Variants in KCNMB3 observed in about 807,000 individuals in gnomAD.
The protein encoded by KCNMB3 is calcium-activated potassium channel subunit beta-3.
In KCNMB3, 18 loss-of-function variants were observed where a neutral mutation model predicts 11.9. That is an observed-to-expected ratio of 1.51 (90% CI 1.04 to 2.23). The LOEUF (loss-of-function observed/expected upper bound fraction) is 2.23, where lower values mean the gene tolerates loss of function less well. Among genes scored for constraint, KCNMB3 ranks in the 30% most tolerant of loss-of-function variants. The pLI, the probability that KCNMB3 is intolerant of heterozygous loss-of-function variation, is 0.00. For missense variants in KCNMB3, 247 were observed against 329.4 expected, an observed-to-expected ratio of 0.75 and a Z score of 1.94; for synonymous variants, 78 against 119.2, an observed-to-expected ratio of 0.65 and a Z score of 2.25.
chr3:179,255,292 T>G (rs1377066888), upstream of KCNMB3, among the ~76,000 whole-genome samples: 1 of 150,782 alleles, frequency 6.6e-6, no homozygotes. Context: ...ATTTCAGATA[T>G]TTGCATAGAA....
intron 1 of KCNMB3, among the ~76,000 whole-genome samples, chr3:179,264,971 G>A (rs888788280): frequency 1.3e-5 from 2 of 152,154 alleles, no homozygotes; most frequent in African/African-American, 4.8e-5. Flanking sequence ...ATCAAGTTCA[G>A]CAAGAGGAAA....
At chr3:179,262,011 A>C (rs1017081997) in intron 1 of KCNMB3, among the ~76,000 whole-genome samples, 2 of 152,248 alleles carry the variant, frequency 1.3e-5, no homozygotes, top group Non-Finnish European at 2.9e-5. Flanking sequence ...TTAAAGGCTC[A>C]ATTCACACGG....
exon 1 of KCNMB3, chr3:179,266,969 TGC>T: frequency 7.9e-7 from 1 of 1,265,570 alleles, no homozygotes; most frequent in East Asian, 3.0e-5. Flanking sequence ...CGTGGTTTGC[TGC>T]AGCCGAAGCT....
chr3:179,262,174 G>C (rs1054611137), intron 1 of KCNMB3, among the ~76,000 whole-genome samples: 2 of 152,036 alleles, frequency 1.3e-5, no homozygotes, highest in East Asian at 1.9e-4. Flanking sequence ...AAACCAGTAG[G>C]GTAATAGATT....
intron 1 of KCNMB3, chr3:179,261,205 C>G (rs942198811): frequency 9.6e-6 from 13 of 1,356,878 alleles, no homozygotes; most frequent in African/African-American, 1.5e-5. Flanking sequence ...GCCGGGCCTC[C>G]GCCAGCCTCT....
intron 1 of KCNMB3, among the ~76,000 whole-genome samples, chr3:179,263,795 CTTTT>C (rs1560162610): frequency 2.7e-5 from 3 of 110,100 alleles, no homozygotes; most frequent in Non-Finnish European, 5.5e-5. Flanking sequence ...TTTTCTTTTT[CTTTT>C]CTTTTTTTTT....
chr3:179,262,176 T>C (rs766898664), intron 1 of KCNMB3, among the ~76,000 whole-genome samples: 5 of 152,206 alleles, frequency 3.3e-5, no homozygotes, highest in Non-Finnish European at 7.3e-5. Flanking sequence ...ACCAGTAGGG[T>C]AATAGATTTA....
chr3:179,239,740 C>T (rs1212688843), downstream of KCNMB3: 4 of 376,946 alleles, frequency 1.1e-5, no homozygotes, highest in East Asian at 1.5e-4. Context: ...TTCGAACCAC[C>T]CTTTTGGCCC....
upstream of KCNMB3, chr3:179,251,256 C>A: frequency 6.8e-7 from 1 of 1,480,110 alleles, no homozygotes; most frequent in South Asian, 1.4e-5. Context: ...ACTTTGTTAT[C>A]TTTCAGGGAT....
chr3:179,263,117 G>C (rs2108459267), intron 1 of KCNMB3, among the ~76,000 whole-genome samples: 2 of 152,354 alleles, frequency 1.3e-5, no homozygotes, highest in Middle Eastern at 6.8e-3. Flanking sequence ...GCGCTCATCA[G>C]GGAGGCTCGG....
intron 1 of KCNMB3, among the ~76,000 whole-genome samples, chr3:179,247,942 A>C (rs1725700378): frequency 1.4e-5 from 2 of 147,786 alleles, no homozygotes; most frequent in African/African-American, 5.0e-5. Context: ...TTGGCTGTCC[A>C]AAAAAAAAAG....
chr3:179,263,836 C>T (rs1418930980), intron 1 of KCNMB3, among the ~76,000 whole-genome samples: 2 of 107,278 alleles, frequency 1.9e-5, no homozygotes, highest in East Asian at 6.4e-4. Context: ...GATGGAGTCT[C>T]ACTCTGTCAT....
chr3:179,255,607 A>G (rs896805019), upstream of KCNMB3, among the ~76,000 whole-genome samples: 2 of 152,200 alleles, frequency 1.3e-5, no homozygotes, highest in Non-Finnish European at 2.9e-5. Flanking sequence ...ATAGTGTAAC[A>G]TAATATCTAT....
At chr3:179,259,111 C>T in intron 1 of KCNMB3, 1 of 1,587,970 alleles carries the variant, frequency 6.3e-7, no homozygotes, top group Non-Finnish European at 8.5e-7. Context: ...CCCGGCTCTC[C>T]TCCTGGTGCC....
At chr3:179,250,241 C>T (rs1383952828) in intron 1 of KCNMB3, among the ~76,000 whole-genome samples, 5 of 152,096 alleles carry the variant, frequency 3.3e-5, no homozygotes, top group African/African-American at 1.2e-4. Context: ...TCCCGAAGTT[C>T]AAACCCATGT....
chr3:179,264,739 G>A (rs1000319092), intron 1 of KCNMB3, among the ~76,000 whole-genome samples: 2 of 152,174 alleles, frequency 1.3e-5, no homozygotes, highest in Non-Finnish European at 2.9e-5. Flanking sequence ...TTAGAAACAT[G>A]CTGTGGCTCA....
chr3:179,259,092 T>C, intron 1 of KCNMB3: 2 of 1,601,000 alleles, frequency 1.2e-6, no homozygotes, highest in South Asian at 2.3e-5. Flanking sequence ...GCTTTCTGGA[T>C]TGAAGTCCCC....
At chr3:179,258,535 G>T (rs7624031) in intron 1 of KCNMB3, among the ~76,000 whole-genome samples, 1 of 151,996 alleles carries the variant, frequency 6.6e-6, no homozygotes, top group African/African-American at 2.4e-5. Flanking sequence ...ATACCATACA[G>T]GTTATAATGT....
rs60270913 is a variant in KCNMB3, at chr3:179,263,800, C to CTTTTTTT, written c.62+2842_62+2848dup. 6.5e-3 allele frequency among the ~76,000 whole-genome samples: 390 copies of CTTTTTTT among 60,006 alleles called. 8 individuals carry two copies. Among genetic ancestry groups the CTTTTTTT allele is most frequent in the Middle Eastern group, 0.015 (1 of 66 alleles). The allele number at this position is 60,006 out of a possible 152,430, so 39.4% of individuals were successfully genotyped here. On this transcript the variant is annotated intron_variant, in intron 1 of 3. Transcript: ENST00000349697. ...TCTGTTTTGTTTTTCTTTTTCTTTT[C>CTTTTTTT]TTTTTTTTTTTTTTTTTTTTTTTGA...
Sources: gnomAD v4.1 joint callset for allele counts (sites outside exome capture counted in the v4.1 genomes callset) on GRCh38, gnomAD v4.1.1 for gene constraint, MANE v1.5 for transcripts, NCBI Gene and HGNC (gene_info 2026-07-23, HGNC 2026-07-21) for gene names.